ZC3H13: variants seen among roughly 807,000 people sequenced by gnomAD.
The protein encoded by ZC3H13 is zinc finger CCCH-type containing 13.
ZC3H13 carries 64 observed loss-of-function variants against 204.1 expected under a neutral mutation model. The ratio of observed to expected loss-of-function variants is 0.31; its 90% confidence interval spans 0.26 to 0.39. The LOEUF is 0.39. Ranked by LOEUF, ZC3H13 falls within the 10% of genes least tolerant of loss-of-function variation. ZC3H13 has a pLI of 1.00. For missense variants in ZC3H13, 1,833 were observed against 2,082.7 expected (o/e 0.88, Z 2.33); for synonymous variants, 667 against 693.7 (o/e 0.96, Z 0.60).
intron 10 of ZC3H13, among the ~76,000 whole-genome samples, chr13:45,980,672 C>A (rs1322496286): frequency 6.6e-6 from 1 of 152,154 alleles, no homozygotes; most frequent in Non-Finnish European, 1.5e-5. Context: ...CCAATCTCAA[C>A]AGGATACATA....
chr13:46,023,856 T>G (rs1487934766), intron 4 of ZC3H13, among the ~76,000 whole-genome samples: 4 of 152,166 alleles, frequency 2.6e-5, no homozygotes, highest in Non-Finnish European at 5.9e-5. Flanking sequence ...CTTACCATAA[T>G]AAGAAGCAAT....
rs1954098899 is a variant in ZC3H13 at position 45,985,531 on chromosome 13, T to G, written c.1486A>C (p.Arg496=). Residue 496 remains arginine, a synonymous_variant, in exon 10 of 19, where the codon AGA becomes CGA. Coordinates refer to ENST00000679008, the MANE Select transcript of ZC3H13 (RefSeq NM_001330564.2). ...SRDTKESRDP[R]DSRSTRDAHD... Reference sequence around the variant, plus strand: ...GCATCACGAGTGGACCGAGAATCTCTGGGATCACGGCTCTCTTTGGTATCT... The same window carrying G: ...GCATCACGAGTGGACCGAGAATCTCGGGGATCACGGCTCTCTTTGGTATCT... 1.2e-6 allele frequency: 2 copies of G among 1,614,104 alleles called. No individual in the cohort carries two copies. Among genetic ancestry groups the G allele is most frequent in the Admixed American group, 1.7e-5 (1 of 60,012 alleles).
At chr13:46,027,388 A>T (rs1271691796) in intron 4 of ZC3H13, among the ~76,000 whole-genome samples, 1 of 152,218 alleles carries the variant, frequency 6.6e-6, no homozygotes, top group East Asian at 1.9e-4. Context: ...TACAGGCATG[A>T]GCCACTGTGC....
chr13:45,997,701 T>C (rs1245752277), intron 8 of ZC3H13, among the ~76,000 whole-genome samples: 1 of 152,184 alleles, frequency 6.6e-6, no homozygotes, highest in Non-Finnish European at 1.5e-5. Context: ...TGTAGCATTG[T>C]TGCATCTCCT....
intron 12 of ZC3H13, among the ~76,000 whole-genome samples, chr13:45,971,313 A>T (rs1335402316): frequency 1.3e-5 from 2 of 152,204 alleles, no homozygotes; most frequent in Non-Finnish European, 2.9e-5. Context: ...TATGGTCAAA[A>T]GTTAAGAAAC....
intron 8 of ZC3H13, among the ~76,000 whole-genome samples, chr13:45,989,685 G>C (rs2039827264): frequency 6.6e-6 from 1 of 152,176 alleles, no homozygotes; most frequent in Non-Finnish European, 1.5e-5. Context: ...AGCACAAACT[G>C]AGAGTTAGTT....
At chr13:46,043,043 T>TATC (rs1215079107) in intron 3 of ZC3H13, among the ~76,000 whole-genome samples, 2 of 151,938 alleles carry the variant, frequency 1.3e-5, no homozygotes, top group Admixed American at 1.3e-4. Flanking sequence ...TTATTTTCAC[T>TATC]ATCAGTGGGA....
Position 45,968,882 on chromosome 13 carries a change from T to C in ZC3H13, c.3662A>G (p.Gln1221Arg). The change falls in exon 14 of 19, where the codon CAA (glutamine) becomes CGA (arginine). Residue 1221 changes from glutamine to arginine, a missense_variant. Gln to Arg is a conservative substitution (Grantham distance 43). Coordinates refer to ENST00000679008, the MANE Select transcript of ZC3H13 (RefSeq NM_001330564.2). ...NDSAHRSGDDQSGRKRVLHSG... is the reference protein window; with the variant it reads ...NDSAHRSGDDRSGRKRVLHSG... Reference sequence around the variant, plus strand: ...GTGCAGTACTCTCTTTCGACCACTTTGGTCATCTCCACTTCGATGGGCTGA... The same window carrying C: ...GTGCAGTACTCTCTTTCGACCACTTCGGTCATCTCCACTTCGATGGGCTGA... The C allele has an allele frequency of 6.2e-7, 1 of 1,614,198 alleles. No homozygotes were observed. The highest frequency in any genetic ancestry group is 8.5e-7 in the Non-Finnish European group (1 of 1,180,028).
In ZC3H13 at chr13:46,042,310, G is replaced by C. The variant is rs755048816; in HGVS notation, c.228-35C>G. On this transcript the variant is annotated intron_variant, in intron 3 of 18. Coordinates refer to ENST00000679008, the MANE Select transcript of ZC3H13 (RefSeq NM_001330564.2). ...AAAACACAGAAACAAAACAAAAAACGAAACAAAACAACAAAAATCTGTATT... is the reference window on the plus strand; with the variant it reads ...AAAACACAGAAACAAAACAAAAAACCAAACAAAACAACAAAAATCTGTATT... 4.1e-6 allele frequency: 6 copies of C among 1,472,090 alleles called. No homozygotes were observed. In the South Asian group the frequency reaches 7.3e-5, roughly 18 times the overall value. 91.2% of individuals were successfully genotyped at this position (1,472,090 alleles called of 1,614,324 possible). A position where few individuals can be genotyped will look rare whatever the true frequency, so the allele number is the denominator to read the frequency against.
At chr13:46,032,802 C>T (rs1433777866) in intron 4 of ZC3H13, among the ~76,000 whole-genome samples, 4 of 152,038 alleles carry the variant, frequency 2.6e-5, no homozygotes, top group Non-Finnish European at 5.9e-5. Context: ...CAATGAAATA[C>T]TATGTAACTA....
chr13:46,045,108 G>GAA (rs369478096), intron 2 of ZC3H13, 44 bp from the exon 3 acceptor site: 37 of 1,358,068 alleles, frequency 2.7e-5, no homozygotes, highest in Middle Eastern at 1.9e-4. Context: ...TTTATTTCTG[G>GAA]AAAAAAAAAA....
chr13:45,985,222 C>A, intron 10 of ZC3H13, 75 bp downstream of exon 10: 1 of 1,346,048 alleles, frequency 7.4e-7, no homozygotes. Context: ...ATGTAAGAAA[C>A]AACATATTAG....
chr13:45,965,556 T>C (rs1952012207), intron 15 of ZC3H13, 124 bp from the exon 16 acceptor site: 1 of 841,436 alleles, frequency 1.2e-6, no homozygotes, highest in Admixed American at 3.3e-5. Flanking sequence ...ATCAGAAAAC[T>C]GTATCTCTTA....
chr13:45,964,794 C>T (rs574448180), intron 16 of ZC3H13, among the ~76,000 whole-genome samples: 61 of 152,182 alleles, frequency 4.0e-4, no homozygotes, highest in Non-Finnish European at 7.2e-4. Flanking sequence ...GGAATGAGTT[C>T]CAGCAACACA....
rs530995493 is a variant in ZC3H13 at position 45,987,736 on chromosome 13, A to G, written c.1255+1051T>C. ...ACTCACCAAGAGGCGCTTAAAGTGC[A>G]TATTAAATATAAATGTTGTTCCAAG... On this transcript the variant is annotated intron_variant, in intron 9 of 18. Transcript: ENST00000679008. Among the ~76,000 whole-genome samples the G allele has an allele frequency of 2.0e-5, 3 of 152,342 alleles. No homozygotes were observed. In the South Asian group the frequency reaches 6.2e-4, roughly 32 times the overall value.
At chr13:45,990,772 T>G (rs564063502) in intron 8 of ZC3H13, among the ~76,000 whole-genome samples, 89 of 152,184 alleles carry the variant, frequency 5.8e-4, no homozygotes, top group Non-Finnish European at 1.0e-3. Flanking sequence ...GTCTGGTTGT[T>G]TTCAATTTCA....
intron 1 of ZC3H13, among the ~76,000 whole-genome samples, chr13:46,048,300 G>A (rs367565011): frequency 4.6e-5 from 7 of 152,152 alleles, no homozygotes; most frequent in South Asian, 4.2e-4. Context: ...AGATTTCGCC[G>A]GGCGCGGTGG....
In ZC3H13 at chr13:45,956,179, T is replaced by C. The variant is rs991576791; in HGVS notation, c.*948A>G. On this transcript the variant is annotated 3_prime_UTR_variant, in exon 19 of 19. Transcript: ENST00000679008. Reference sequence around the variant, plus strand: ...TCAAAAGTTATAGCTCTAAAAAATATGATAGTAGAATATTAAACCTCAGGT... The same window carrying C: ...TCAAAAGTTATAGCTCTAAAAAATACGATAGTAGAATATTAAACCTCAGGT... 6.6e-6 allele frequency: 1 copy of C among 152,176 alleles called. No homozygotes were observed. Among genetic ancestry groups the C allele is most frequent in the African/African-American group, 2.4e-5 (1 of 41,456 alleles). The allele number at this position is 152,176 out of a possible 1,614,324, so 9.4% of individuals were successfully genotyped here.
Position 45,975,347 on chromosome 13 carries a change from C to G in ZC3H13, c.2404G>C (p.Glu802Gln). ...DKDKGRDDRREKREEIREDRN... is the reference protein window; with the variant it reads ...DKDKGRDDRRQKREEIREDRN... ...TCTTCTCGGATCTCTTCTCGCTTTT[C>G]TCTGCGGTCATCTCGTCCTTTGTCT... The change falls in exon 12 of 19, where the codon GAA becomes CAA. Residue 802 changes from glutamate to glutamine, a missense_variant. Around this residue, in one of 5 missense-constraint regions of ZC3H13, gnomAD observed 1,574 missense variants for 1,757.2 expected, o/e 0.90. Transcript: ENST00000679008. The G allele has an allele frequency of 6.2e-7, 1 of 1,614,060 alleles. No individual in the cohort carries two copies.
Sources: allele counts gnomAD v4.1 joint callset (sites outside exome capture counted in the v4.1 genomes callset), GRCh38; gene constraint gnomAD v4.1.1; regional missense constraint gnomAD v4.1.1; transcripts MANE v1.5; gene names NCBI Gene and HGNC (gene_info 2026-07-23, HGNC 2026-07-21).